GRB2: variants seen among roughly 807,000 people sequenced by gnomAD.
GRB2 encodes growth factor receptor-bound protein 2.
GRB2 carries 2 observed loss-of-function variants against 27.4 expected under a neutral mutation model. The ratio of observed to expected loss-of-function variants is 0.07; its 90% CI spans 0.03 to 0.23. The LOEUF is 0.23. Ranked by LOEUF, GRB2 falls within the 10% of genes least tolerant of loss-of-function variation. The pLI is 1.00. For synonymous variants in GRB2, 94 were observed against 99.6 expected, an observed-to-expected ratio of 0.94 and a Z score of 0.33; for missense variants, 102 against 282.4, an observed-to-expected ratio of 0.36 and a Z score of 4.58.
rs765384707 is a variant in GRB2 at position 75,320,385 on chromosome 17, C to A, written c.637G>T (p.Val213Leu). 3 of 1,613,920 alleles carry A rather than the reference C, an allele frequency of 1.9e-6. No homozygotes were observed. ...CTTGACTCTTAGACGTTCCGGTTCA[C>A]GGGGGTGACATAATTGCGGGGAAAC... ...GMFPRNYVTPVNRNV is the reference protein window; with the variant it reads ...GMFPRNYVTPLNRNV Residue 213 changes from valine (V) to leucine (L), a missense_variant, in exon 6 of 6, where the codon GTG (valine) becomes TTG (leucine). Around this residue, in one of 3 missense-constraint regions of GRB2, gnomAD observed 57 missense variants for 152.9 expected, o/e 0.37. Transcript: ENST00000316804. This position sits in a 1 kb window ranked among gnomAD's most constrained non-coding sequence, Gnocchi z 4.3.
intron 2 of GRB2, among the ~76,000 whole-genome samples, chr17:75,376,561 T>C (rs1173975132): frequency 6.6e-6 from 1 of 151,178 alleles, no homozygotes; most frequent in African/African-American, 2.4e-5. Context: ...GAACTTCTAC[T>C]GATTGTCTTG....
intron 2 of GRB2, among the ~76,000 whole-genome samples, chr17:75,390,727 T>A (rs1471701131): frequency 6.6e-6 from 1 of 152,228 alleles, no homozygotes; most frequent in African/African-American, 2.4e-5. Flanking sequence ...GTCACCATTT[T>A]TAACTAAAAG....
chr17:75,369,350 A>G (rs911641111), intron 2 of GRB2, among the ~76,000 whole-genome samples: 2 of 152,182 alleles, frequency 1.3e-5, no homozygotes, highest in Non-Finnish European at 2.9e-5. Flanking sequence ...TAGCAGCACA[A>G]TGTTATAGGA....
At position 75,405,554 on chromosome 17, in the gene GRB2, CCCAA is replaced by C. The variant is rs1287433717; in HGVS notation, c.-207_-204del. Reference sequence around the variant, plus strand: ...CACAACGCTGCGAGCGGCCGGCGACCCCAAGGCTGCTCTGCGAGGGCAGCGCTTG... The same window carrying C: ...CACAACGCTGCGAGCGGCCGGCGACCGGCTGCTCTGCGAGGGCAGCGCTTG... On this transcript the variant is annotated 5_prime_UTR_variant, in exon 1 of 6. Coordinates refer to ENST00000316804, the MANE Select transcript of GRB2 (RefSeq NM_002086.5). The C allele has an allele frequency of 6.4e-6, 1 of 155,444 alleles. No homozygotes were observed. Among genetic ancestry groups the C allele is most frequent in the Non-Finnish European group, 1.4e-5 (1 of 69,516 alleles). 9.6% of individuals were successfully genotyped at this position (155,444 alleles called of 1,614,324 possible).
At chr17:75,359,441 G>C (rs2078763603) in intron 2 of GRB2, among the ~76,000 whole-genome samples, 1 of 151,914 alleles carries the variant, frequency 6.6e-6, no homozygotes, top group Non-Finnish European at 1.5e-5. Flanking sequence ...AGGAGTTCGA[G>C]GTTGCAGCGA....
At chr17:75,370,669 C>T (rs1021014964) in intron 2 of GRB2, among the ~76,000 whole-genome samples, 2 of 152,164 alleles carry the variant, frequency 1.3e-5, no homozygotes, top group African/African-American at 4.8e-5. Context: ...CCATCTGATG[C>T]GAAGGGACTC....
At chr17:75,401,096 A>C (rs143835676) in intron 1 of GRB2, among the ~76,000 whole-genome samples, 2 of 152,158 alleles carry the variant, frequency 1.3e-5, no homozygotes, top group East Asian at 3.9e-4. Flanking sequence ...AGCTGCAGAA[A>C]AATTATAGTT....
chr17:75,342,521 C>T (rs1054257960), intron 2 of GRB2, among the ~76,000 whole-genome samples: 2 of 152,146 alleles, frequency 1.3e-5, no homozygotes, highest in East Asian at 1.9e-4. Flanking sequence ...CCTCCCACCT[C>T]AGCCTCCCAA....
In GRB2 at chr17:75,370,615, T is replaced by A. The variant is rs564666857; in HGVS notation, c.78+22936A>T. On this transcript the variant is annotated intron_variant, in intron 2 of 5. Coordinates refer to ENST00000316804, the MANE Select transcript of GRB2 (RefSeq NM_002086.5). ...GCTTGAAAAATAGAAAACCTTCCCCTCAATCCAGCTCACTTTTTTAGCAGC... is the reference window on the plus strand; with the variant it reads ...GCTTGAAAAATAGAAAACCTTCCCCACAATCCAGCTCACTTTTTTAGCAGC... Among the ~76,000 whole-genome samples the A allele has an allele frequency of 4.6e-5, 7 of 152,314 alleles. No individual in the cohort carries two copies. In the South Asian group the frequency reaches 1.2e-3, roughly 27 times the overall value.
At position 75,320,386 on chromosome 17, in the gene GRB2, G is replaced by A. The variant is rs1261793389; in HGVS notation, c.636C>T (p.Pro212=). The change falls in exon 6 of 6, where the codon CCC becomes CCT. Residue 212 remains proline, a synonymous_variant. Transcript: ENST00000316804. The surrounding 1 kb of genome is among the most constrained non-coding windows in gnomAD (Gnocchi z 4.3). ...TTGACTCTTAGACGTTCCGGTTCAC[G>A]GGGGTGACATAATTGCGGGGAAACA... is the stretch of plus-strand genomic sequence containing the variant. The part of the protein sequence containing the change: ...TGMFPRNYVT[P]VNRNV The A allele has an allele frequency of 1.4e-5, 23 of 1,613,592 alleles. No individual in the cohort carries two copies. Among genetic ancestry groups the A allele is most frequent in the Middle Eastern group, 3.3e-4 (2 of 6,084 alleles).
intron 2 of GRB2, among the ~76,000 whole-genome samples, chr17:75,336,243 G>A (rs534315652): frequency 1.3e-4 from 20 of 152,126 alleles, no homozygotes; most frequent in Non-Finnish European, 2.8e-4. Flanking sequence ...CAGAGTCTAC[G>A]TTGCTCAGGC....
intron 2 of GRB2, among the ~76,000 whole-genome samples, chr17:75,382,803 G>T (rs562321243): frequency 6.6e-6 from 1 of 152,270 alleles, no homozygotes; most frequent in East Asian, 1.9e-4. Context: ...CAGCCTTCCG[G>T]GTTCACGCCA....
intron 1 of GRB2, among the ~76,000 whole-genome samples, chr17:75,403,951 T>C (rs760388222): frequency 3.3e-5 from 5 of 149,464 alleles, no homozygotes; most frequent in Non-Finnish European, 7.4e-5. Flanking sequence ...CCATCTCTAC[T>C]AAAAATACAA....
At chr17:75,339,757 G>C (rs2078608064) in intron 2 of GRB2, among the ~76,000 whole-genome samples, 1 of 151,822 alleles carries the variant, frequency 6.6e-6, no homozygotes, top group Admixed American at 6.6e-5. Context: ...CTCCCAAGTA[G>C]CTGGGATTAC....
At chr17:75,336,880 G>C (rs2078580918) in intron 2 of GRB2, among the ~76,000 whole-genome samples, 1 of 152,088 alleles carries the variant, frequency 6.6e-6, no homozygotes, top group South Asian at 2.1e-4. Flanking sequence ...TGGGATTACA[G>C]GCATGCGCCA....
intron 4 of GRB2, among the ~76,000 whole-genome samples, chr17:75,324,791 GGT>G (rs973943433): frequency 9.9e-5 from 15 of 151,990 alleles, no homozygotes; most frequent in Non-Finnish European, 1.9e-4. Flanking sequence ...AATGGGAAAT[GGT>G]GGCTGGAAGC....
At chr17:75,359,894 A>G (rs1046743154) in intron 2 of GRB2, among the ~76,000 whole-genome samples, 1 of 152,042 alleles carries the variant, frequency 6.6e-6, no homozygotes, top group African/African-American at 2.4e-5. Flanking sequence ...GTATATACTC[A>G]AGGGCATTCA....
chr17:75,322,853 C>T (rs1320072048), intron 4 of GRB2, among the ~76,000 whole-genome samples: 1 of 152,098 alleles, frequency 6.6e-6, no homozygotes, highest in Non-Finnish European at 1.5e-5. Flanking sequence ...GATGCGGTGG[C>T]TCATGCCTGT....
At chr17:75,343,049 C>CA (rs56264803) in intron 2 of GRB2, among the ~76,000 whole-genome samples, 17 of 58,596 alleles carry the variant, frequency 2.9e-4, no homozygotes, top group African/African-American at 1.0e-3. Context: ...AACCTTGTCT[C>CA]AAAAAAAAAA....
Sources: gnomAD v4.1 joint callset for allele counts (sites outside exome capture counted in the v4.1 genomes callset) on GRCh38, gnomAD v4.1.1 for gene constraint, gnomAD v4.1.1 regional missense constraint, Gnocchi (gnomAD v3.1) non-coding constraint, MANE v1.5 for transcripts, NCBI Gene and HGNC (gene_info 2026-07-23, HGNC 2026-07-21) for gene names.